AGBL1: variants seen among roughly 807,000 people sequenced by gnomAD.
AGBL1 encodes the protein AGBL carboxypeptidase 1.
AGBL1 carries 130 observed loss-of-function variants against 118.9 expected under a neutral mutation model. The ratio of observed to expected loss-of-function variants is 1.09; its 90% CI spans 0.95 to 1.26. AGBL1 has a LOEUF of 1.26. AGBL1 is among the 50% of genes most tolerant of loss of function. AGBL1 has a pLI of 0.00. For missense variants in AGBL1, 1,584 were observed against 1,298.1 expected, an observed-to-expected ratio of 1.22 and a Z score of -3.38; for synonymous variants, 555 against 478.9, an observed-to-expected ratio of 1.16 and a Z score of -2.08.
In AGBL1 at chr15:86,142,053, A is replaced by G; in HGVS notation, c.101A>G (p.Asp34Gly). ...CTGACCATCCTCAAGGTCCTCGGAG[A>G]TCTGCTTTCTGTTGGTGAGTAGGCC... The part of the protein sequence containing the change: ...SILTILKVLG[D>G]LLSVGTDRRI... Residue 34 changes from aspartate to glycine, a missense_variant, in exon 2 of 23, where the codon GAT becomes GGT. Asp to Gly is a moderately conservative substitution (Grantham distance 94). Transcript: ENST00000614907. The G allele has an allele frequency of 1.3e-6, 2 of 1,550,148 alleles. No individual in the cohort carries two copies. Among genetic ancestry groups the G allele is most frequent in the Non-Finnish European group, 1.7e-6 (2 of 1,146,812 alleles).
At chr15:86,277,885 C>T (rs1328896967) in intron 15 of AGBL1, among the ~76,000 whole-genome samples, 1 of 152,238 alleles carries the variant, frequency 6.6e-6, no homozygotes, top group Non-Finnish European at 1.5e-5. Context: ...GTGAAGCACT[C>T]TTCCACGCTT....
At chr15:86,622,087 G>T (rs1399935912) in intron 21 of AGBL1, among the ~76,000 whole-genome samples, 1 of 152,104 alleles carries the variant, frequency 6.6e-6, no homozygotes, top group East Asian at 1.9e-4. Context: ...TCGCAATTTG[G>T]GAGGCTGAGG....
chr15:86,423,071 T>G (rs535533653), intron 18 of AGBL1, among the ~76,000 whole-genome samples: 2 of 152,272 alleles, frequency 1.3e-5, no homozygotes, highest in Non-Finnish European at 2.9e-5. Context: ...GAGGGACTCC[T>G]CCCTAACTCA....
chr15:86,438,805 G>T (rs1391959012), intron 18 of AGBL1, among the ~76,000 whole-genome samples: 1 of 151,944 alleles, frequency 6.6e-6, no homozygotes, highest in Non-Finnish European at 1.5e-5. Flanking sequence ...GGGATTACAG[G>T]CACCTGCCAC....
At chr15:86,561,538 GCTGT>G (rs1432768890) in intron 21 of AGBL1, among the ~76,000 whole-genome samples, 2 of 152,194 alleles carry the variant, frequency 1.3e-5, no homozygotes, top group Non-Finnish European at 2.9e-5. Context: ...CCAGTACCAT[GCTGT>G]TTTTGTTACT....
rs769382712 is a variant in AGBL1 at position 86,279,781 on chromosome 15, A to G, written c.2218A>G (p.Met740Val). 1.5e-5 allele frequency: 25 copies of G among 1,613,442 alleles called. No individual in the cohort carries two copies. The South Asian group carries it at 2.6e-4, about 17-fold the overall frequency. ...CTATCCCTATACCTACACAGCCCTC[A>G]TGGTAACTTCCTCTTTATAGCATCA... The part of the protein sequence containing the change: ...YHYPYTYTAL[M>V]THLDILEKSV... Residue 740 changes from methionine (M) to valine (V), a missense_variant and splice_region_variant, in exon 16 of 23, where the codon ATG (methionine) becomes GTG (valine). Coordinates refer to ENST00000614907, the MANE Select transcript of AGBL1 (RefSeq NM_001386094.1).
At chr15:86,877,332 G>A (rs941875355) in intron 22 of AGBL1, among the ~76,000 whole-genome samples, 1 of 152,154 alleles carries the variant, frequency 6.6e-6, no homozygotes, top group Non-Finnish European at 1.5e-5. Flanking sequence ...TAAGTGGATA[G>A]CACCAAACTG....
In AGBL1 at chr15:86,779,352, C is replaced by T. The variant is rs144601693; in HGVS notation, c.3158+104916C>T. ...CAAATAACTTTGTTTTATTCATAAGCTATCAAGTTTATAGCATTTGGTTAA... is the reference window on the plus strand; with the variant it reads ...CAAATAACTTTGTTTTATTCATAAGTTATCAAGTTTATAGCATTTGGTTAA... On this transcript the variant is annotated intron_variant, in intron 22 of 22. Transcript: ENST00000614907. 1.5e-3 allele frequency among the ~76,000 whole-genome samples: 235 copies of T among 152,320 alleles called. 2 individuals carry two copies. Among genetic ancestry groups the T allele is most frequent in the African/African-American group, 5.5e-3 (227 of 41,570 alleles).
At chr15:86,080,494 T>C (rs1895195073) in intron 1 of AGBL1, among the ~76,000 whole-genome samples, 1 of 152,174 alleles carries the variant, frequency 6.6e-6, no homozygotes, top group South Asian at 2.1e-4. Flanking sequence ...CAGAATGGCC[T>C]GGGATGCCGA....
chr15:86,232,961 A>G (rs2078480601), intron 6 of AGBL1, among the ~76,000 whole-genome samples: 1 of 152,196 alleles, frequency 6.6e-6, no homozygotes, highest in African/African-American at 2.4e-5. Flanking sequence ...ACTATCAATA[A>G]TTACGGAGCA....
intron 22 of AGBL1, among the ~76,000 whole-genome samples, chr15:86,714,538 G>A (rs530492548): frequency 6.6e-6 from 1 of 152,122 alleles, no homozygotes; most frequent in East Asian, 1.9e-4. Context: ...ATCATGGAGT[G>A]GTGTGAGGTC....
At chr15:86,590,815 T>C (rs1242680350) in intron 21 of AGBL1, among the ~76,000 whole-genome samples, 9 of 152,224 alleles carry the variant, frequency 5.9e-5, no homozygotes, top group African/African-American at 9.6e-5. Context: ...CTACTTTTAT[T>C]TGCTGGCTCT....
rs544818362 is a variant in AGBL1 at position 86,364,541 on chromosome 15, T to C, written c.2375-32825T>C. Among the ~76,000 whole-genome samples, 4 of 152,240 alleles carry C rather than the reference T, an allele frequency of 2.6e-5. No individual in the cohort carries two copies. In the East Asian group the frequency reaches 5.8e-4, roughly 22 times the overall value. On this transcript the variant is annotated intron_variant, in intron 17 of 22. Coordinates refer to ENST00000614907, the MANE Select transcript of AGBL1 (RefSeq NM_001386094.1). ...TGACTGCTGCCCCACCTCCCACTGA[T>C]TGGAATGTTTTTCTACACATGTTGT... is the stretch of plus-strand genomic sequence containing the variant.
intron 21 of AGBL1, among the ~76,000 whole-genome samples, chr15:86,563,275 G>T (rs539459459): frequency 2.6e-5 from 4 of 152,146 alleles, no homozygotes; most frequent in African/African-American, 4.8e-5. Context: ...TCTCTTGTGG[G>T]CATTGAGTGC....
intron 23 of AGBL1, among the ~76,000 whole-genome samples, chr15:86,929,554 T>A (rs2080581654): frequency 6.6e-6 from 1 of 152,032 alleles, no homozygotes; most frequent in South Asian, 2.1e-4. Flanking sequence ...GTAATACTAA[T>A]GCTCTGGAAT....
chr15:87,004,742 T>G (rs573968675), intron 24 of AGBL1, among the ~76,000 whole-genome samples: 1 of 152,338 alleles, frequency 6.6e-6, no homozygotes, highest in South Asian at 2.1e-4. Context: ...TGATGTTAGC[T>G]GGTTATTTTA....
At chr15:86,709,742 A>G (rs1252534013) in intron 22 of AGBL1, among the ~76,000 whole-genome samples, 2 of 152,168 alleles carry the variant, frequency 1.3e-5, no homozygotes, top group Admixed American at 1.3e-4. Context: ...TGTTAGAACA[A>G]TTTAAATCTT....
intron 17 of AGBL1, among the ~76,000 whole-genome samples, chr15:86,335,205 C>A (rs1478192565): frequency 6.6e-6 from 1 of 151,032 alleles, no homozygotes; most frequent in Non-Finnish European, 1.5e-5. Context: ...GTGGCGTGAT[C>A]TCGGCTCACT....
At chr15:86,935,208 C>G (rs1426442703) in intron 23 of AGBL1, 1 of 152,122 alleles carries the variant, frequency 6.6e-6, no homozygotes, top group East Asian at 1.9e-4. Flanking sequence ...GTCCCGTTGT[C>G]AGGTCTTGTT....
Sources: gnomAD v4.1 joint callset for allele counts (sites outside exome capture counted in the v4.1 genomes callset) on GRCh38, gnomAD v4.1.1 for gene constraint, MANE v1.5 for transcripts, NCBI Gene and HGNC (gene_info 2026-07-23, HGNC 2026-07-21) for gene names.